Variants in TTN observed in about 807,000 individuals in gnomAD.
TTN encodes connectin.
Under a neutral mutation model 3,223.0 loss-of-function variants are expected in TTN, and 1,525 were observed. The ratio of observed to expected loss-of-function variants is 0.47; its 90% CI spans 0.45 to 0.49. The LOEUF (loss-of-function observed/expected upper bound fraction) is 0.49, where lower values mean the gene tolerates loss of function less well. TTN is among the 20% of genes least tolerant of loss of function. The pLI is 0.00. For synonymous variants in TTN, 14,094 were observed against 15,161.0 expected (o/e 0.93, Z 5.17); for missense variants, 40,786 against 43,424.0 (o/e 0.94, Z 5.40).
In TTN at chr2:178,560,913, T is replaced by A; in HGVS notation, c.85219A>T (p.Ile28407Phe). 6.2e-7 allele frequency: 1 copy of A among 1,613,856 alleles called. No individual in the cohort carries two copies. Among genetic ancestry groups the A allele is most frequent in the Non-Finnish European group, 8.5e-7 (1 of 1,179,834 alleles). The change falls in exon 326 of 363, where the codon ATC (isoleucine) becomes TTC (phenylalanine). Residue 28407 changes from isoleucine to phenylalanine, a missense_variant. Coordinates refer to ENST00000589042, the MANE Select transcript of TTN (RefSeq NM_001267550.2). ...EIEERARTEI[I>F]STDNHTLLTV... Reference sequence around the variant, plus strand: ...AACAAAGTATGATTGTCTGTTGAGATGATTTCTGTTCTTGCTCTTTCTTCA... The same window carrying A: ...AACAAAGTATGATTGTCTGTTGAGAAGATTTCTGTTCTTGCTCTTTCTTCA...
At chr2:178,604,534 C>T (rs538698288) in intron 281 of TTN, among the ~76,000 whole-genome samples, 174 bp downstream of exon 281, 60 of 151,994 alleles carry the variant, frequency 3.9e-4, no homozygotes, top group Non-Finnish European at 5.9e-4. Context: ...GTGTATCAAA[C>T]GCTATGTACT....
Position 178,610,182 on chromosome 2 carries a change from C to T in TTN, c.51344G>A (p.Gly17115Asp), listed in dbSNP as rs796362520. The T allele has an allele frequency of 3.1e-6, 5 of 1,613,020 alleles. No individual in the cohort carries two copies. Among genetic ancestry groups the T allele is most frequent in the Non-Finnish European group, 4.2e-6 (5 of 1,179,328 alleles). The change falls in exon 271 of 363, where the codon GGT (glycine) becomes GAT (aspartate). Residue 17115 changes from glycine to aspartate, a missense_variant. Coordinates refer to ENST00000589042, the MANE Select transcript of TTN (RefSeq NM_001267550.2). ...SWTVKDLIPN[G>D]EYFFRVKAVN... ...TGCTTTAACACGGAAGAAGTATTCA[C>T]CATTTGGTATGAGATCCTTCACAGT...
rs547496340 is a variant in TTN at position 178,793,418 on chromosome 2, C to A, written c.1522G>T (p.Val508Leu). The change falls in exon 9 of 363, where the codon GTA becomes TTA. Residue 508 changes from valine to leucine, a missense_variant. Physicochemically the swap from Val to Leu is conservative, Grantham distance 32 (BLOSUM62 1). Coordinates refer to ENST00000589042, the MANE Select transcript of TTN (RefSeq NM_001267550.2). ...VITTKQEQMH[V>L]THEQIRKETE... is the part of the protein sequence containing the mutation. ...CCCATTTTCACCTGCTCATGAGTTA[C>A]GTGCATCTGCTCTTGCTTTGTGGTA... 6.8e-6 allele frequency: 11 copies of A among 1,614,006 alleles called. No individual in the cohort carries two copies. The highest frequency in any genetic ancestry group is 9.3e-6 in the Non-Finnish European group (11 of 1,180,012).
intron 40 of TTN, 103 bp from the exon 41 acceptor site, chr2:178,766,715 G>C (rs866541900): frequency 1.2e-6 from 1 of 848,838 alleles, no homozygotes; most frequent in Admixed American, 2.0e-5. Context: ...TGAATGGCAT[G>C]TGAAACCAAT....
At position 178,739,544 on chromosome 2, in the gene TTN, G is replaced by A. The variant is rs369466156; in HGVS notation, c.13689C>T (p.Asp4563=). The change falls in exon 48 of 363, where the codon GAC becomes GAT. Residue 4563 remains aspartate (D), a synonymous_variant. Transcript: ENST00000589042. ...GTTTCAGACTCTCATCTTGTTTTTC[G>A]TCAGAGACAACAGCTGAAGCAACCC... The part of the protein sequence containing the change: ...TKGVASAVVS[D]EKQDESLKPS... 6.1e-5 allele frequency: 99 copies of A among 1,613,578 alleles called. No homozygotes were observed. The East Asian group carries it at 9.1e-4, about 15-fold the overall frequency.
Position 178,724,488 on chromosome 2 carries a change from C to G in TTN, c.20887G>C (p.Glu6963Gln). 1 of 1,609,188 alleles carries G rather than the reference C, an allele frequency of 6.2e-7. No homozygotes were observed. The highest frequency in any genetic ancestry group is 8.5e-7 in the Non-Finnish European group (1 of 1,176,212). ...KAGPMTVTVG[E>Q]TCTLECKVAG... ...ACCTTACACTCCAGAGTGCACGTTT[C>G]TCCTACAGTCACCGTCATCGGTCCT... Residue 6963 changes from glutamate to glutamine, a missense_variant, in exon 72 of 363, where the codon GAA becomes CAA. Physicochemically the swap from Glu to Gln is conservative, Grantham distance 29. Coordinates refer to ENST00000589042, the MANE Select transcript of TTN (RefSeq NM_001267550.2).
rs372908128 is a variant in TTN, at chr2:178,607,882, T to C, written c.52905A>G (p.Arg17635=). ...KVRQYTVKEI[R]EGADYKLRVS... is the part of the protein sequence containing the mutation. ...CCCGAAGTTTGTAATCAGCACCCTCTCGGATTTCTTTGACGGTGTACTGAC... is the reference window on the plus strand; with the variant it reads ...CCCGAAGTTTGTAATCAGCACCCTCCCGGATTTCTTTGACGGTGTACTGAC... The change falls in exon 276 of 363, where the codon CGA becomes CGG. Residue 17635 remains arginine (R), a synonymous_variant. Coordinates refer to ENST00000589042, the MANE Select transcript of TTN (RefSeq NM_001267550.2). 5.6e-6 allele frequency: 9 copies of C among 1,613,038 alleles called. No homozygotes were observed. In the Admixed American group the frequency reaches 8.3e-5, roughly 15 times the overall value.
At position 178,611,357 on chromosome 2, in the gene TTN, A is replaced by T. The variant is rs772407807; in HGVS notation, c.50857+15T>A. On this transcript the variant is annotated intron_variant, in intron 269 of 362. Transcript: ENST00000589042. ...AAGGGTATTTTATTAACTATAAAAG[A>T]CCTTGTGCTCTTACAGTCTGGGTCT... is the stretch of plus-strand genomic sequence containing the variant. The T allele has an allele frequency of 6.2e-7, 1 of 1,612,376 alleles. No homozygotes were observed. The highest frequency in any genetic ancestry group is 8.5e-7 in the Non-Finnish European group (1 of 1,179,208).
rs533513173 is a variant in TTN, at chr2:178,647,456, C to T, written c.40066G>A (p.Val13356Met). 1.9e-6 allele frequency: 3 copies of T among 1,549,518 alleles called. No individual in the cohort carries two copies. Among genetic ancestry groups the T allele is most frequent in the Non-Finnish European group, 8.7e-7 (1 of 1,146,332 alleles). The stretch of plus-strand genomic sequence containing the variant: ...TTTTCTGGGATGATTTTCTCAGGCA[C>T]TTTGGGCACTTTAAAGATATGATTT... ...PEVLPEKVPK[V>M]PEKIIPEKEV... The change falls in exon 214 of 363, where the codon GTG (valine) becomes ATG (methionine). Residue 13356 changes from valine (V) to methionine (M), a missense_variant. Coordinates refer to ENST00000589042, the MANE Select transcript of TTN (RefSeq NM_001267550.2).
chr2:178,583,582 C>T (rs754215015), intron 312 of TTN, 25 bp downstream of exon 312: 14 of 1,537,900 alleles, frequency 9.1e-6, no homozygotes, highest in Non-Finnish European at 1.2e-5. Flanking sequence ...TACATCTTTG[C>T]CTATAATACT....
At chr2:178,683,086 A>C in intron 134 of TTN, 125 bp downstream of exon 134, 1 of 956,090 alleles carries the variant, frequency 1.0e-6, no homozygotes. Context: ...TTGTGATTTC[A>C]AATGTTATAT....
chr2:178,752,982 C>T (rs2085958662), intron 47 of TTN, 142 bp downstream of exon 47: 4 of 526,796 alleles, frequency 7.6e-6, no homozygotes, highest in Non-Finnish European at 1.3e-5. Context: ...AAGCATGCGA[C>T]ATAGTAATAT....
chr2:178,582,889 A>T, intron 313 of TTN, 51 bp downstream of exon 313: 1 of 1,378,990 alleles, frequency 7.3e-7, no homozygotes, highest in Non-Finnish European at 9.6e-7. Context: ...TCCTATTTAC[A>T]TCCCATTATC....
rs746433556 is a variant in TTN at position 178,775,103 on chromosome 2, A to G, written c.6608T>C (p.Val2203Ala). ...TFECETSEPFVKVKWYKDGME... is the reference protein window; with the variant it reads ...TFECETSEPFAKVKWYKDGME... ...ACCATCTTTATACCATTTCACTTTG[A>G]CAAATGGTTCTGAAGTTTCACATTC... The change falls in exon 29 of 363, where the codon GTC (valine) becomes GCC (alanine). Residue 2203 changes from valine (V) to alanine (A), a missense_variant. By Grantham distance (64) the Val-to-Ala change is moderately conservative. Coordinates refer to ENST00000589042, the MANE Select transcript of TTN (RefSeq NM_001267550.2). 9.9e-6 allele frequency: 16 copies of G among 1,613,920 alleles called. No individual in the cohort carries two copies. In the African/African-American group the frequency reaches 2.1e-4, roughly 22 times the overall value.
At chr2:178,763,527 C>G (rs902161213) in intron 43 of TTN, among the ~76,000 whole-genome samples, 1 of 152,158 alleles carries the variant, frequency 6.6e-6, no homozygotes, top group Non-Finnish European at 1.5e-5. Context: ...CTAGCAGGTA[C>G]TATTTTTCAG....
chr2:178,777,760 C>T lies in TTN; in HGVS notation c.4424G>A (p.Arg1475Lys), dbSNP rs374591242. The change falls in exon 25 of 363, where the codon AGA becomes AAA. Residue 1475 changes from arginine (R) to lysine (K), a missense_variant. Arg to Lys is a conservative substitution (Grantham distance 26, BLOSUM62 2). Coordinates refer to ENST00000589042, the MANE Select transcript of TTN (RefSeq NM_001267550.2). ...TCTACCAACAACCTTTAAGTCAAAT[C>T]TGGCAGTTTGCCCTTCTAAACATTT... ...SFKCLEGQTA[R>K]FDLKVVGRPM... The T allele has an allele frequency of 2.5e-6, 4 of 1,613,958 alleles. No individual in the cohort carries two copies. Among genetic ancestry groups the T allele is most frequent in the Non-Finnish European group, 3.4e-6 (4 of 1,179,966 alleles).
At position 178,570,640 on chromosome 2, in the gene TTN, G is replaced by A; in HGVS notation, c.75492C>T (p.Asp25164=). The A allele has an allele frequency of 6.2e-7, 1 of 1,613,476 alleles. No individual in the cohort carries two copies. The highest frequency in any genetic ancestry group is 8.5e-7 in the Non-Finnish European group (1 of 1,179,612). ...CTTTTACACTGAGACTGGTGGCAAA[G>A]TCGGTGCTCTTTATTTCTAATCGAG... The part of the protein sequence containing the change: ...NTARLEIKST[D]FATSLSVKDA... Residue 25164 remains aspartate (D), a synonymous_variant, in exon 326 of 363, where the codon GAC becomes GAT. Transcript: ENST00000589042.
Position 178,565,215 on chromosome 2 carries a change from G to C in TTN, c.80917C>G (p.Pro26973Ala), listed in dbSNP as rs148598047. 6.8e-6 allele frequency: 11 copies of C among 1,613,532 alleles called. No individual in the cohort carries two copies. The African/African-American group carries it at 1.5e-4, about 22-fold the overall frequency. The change falls in exon 326 of 363, where the codon CCT (proline) becomes GCT (alanine). Residue 26973 changes from proline to alanine, a missense_variant. Transcript: ENST00000589042. ...CGAACTGGGCCAACTGGAGGTCCAGGCTTTTCTAAAACGATAACACTGAGA... is the reference window on the plus strand; with the variant it reads ...CGAACTGGGCCAACTGGAGGTCCAGCCTTTTCTAAAACGATAACACTGAGA... ...ENLSVIVLEKPGPPVGPVRFD... is the reference protein window; with the variant it reads ...ENLSVIVLEKAGPPVGPVRFD...
In TTN at chr2:178,551,367, A is replaced by T. The variant is rs974163585; in HGVS notation, c.91271-107T>A. On this transcript the variant is annotated intron_variant, in intron 335 of 362. Coordinates refer to ENST00000589042, the MANE Select transcript of TTN (RefSeq NM_001267550.2). Reference sequence around the variant, plus strand: ...TCTATAATTTTAATAAATAAGTAAAATTTTTATAATAAGTAATTTATTCAA... The same window carrying T: ...TCTATAATTTTAATAAATAAGTAAATTTTTTATAATAAGTAATTTATTCAA... The T allele has an allele frequency of 8.0e-6, 7 of 874,402 alleles. No homozygotes were observed. The African/African-American group carries it at 1.2e-4, about 15-fold the overall frequency. 54.2% of individuals were successfully genotyped at this position (874,402 alleles called of 1,614,324 possible).
Sources: allele counts gnomAD v4.1 joint callset (sites outside exome capture counted in the v4.1 genomes callset), GRCh38; gene constraint gnomAD v4.1.1; transcripts MANE v1.5; gene names NCBI Gene and HGNC (gene_info 2026-07-23, HGNC 2026-07-21).